VAV2: variants seen among roughly 807,000 people sequenced by gnomAD.
The protein encoded by VAV2 is guanine nucleotide exchange factor VAV2.
Under a neutral mutation model 132.5 loss-of-function variants are expected in VAV2, and 67 were observed. The observed-to-expected ratio is 0.51, with a 90% CI of 0.42 to 0.62. VAV2 has a LOEUF of 0.62. Among genes scored for constraint, VAV2 ranks in the 20% least tolerant of loss-of-function variants. VAV2 has a pLI of 0.00. For synonymous variants in VAV2, 492 were observed against 443.5 expected (o/e 1.11, Z -1.37); for missense variants, 938 against 1,153.6 (o/e 0.81, Z 2.71).
chr9:133,817,608 C>T lies in VAV2; in HGVS notation c.450-5392G>A, dbSNP rs1019368444. ...GGGAGACAAGAGTGAAACTCTGTCTCGAAAAAATAAAAAATAAAATAATAA... is the reference window on the plus strand; with the variant it reads ...GGGAGACAAGAGTGAAACTCTGTCTTGAAAAAATAAAAAATAAAATAATAA... On this transcript the variant is annotated intron_variant, in intron 4 of 29. Transcript: ENST00000371850. Among the ~76,000 whole-genome samples the T allele has an allele frequency of 5.9e-5, 9 of 151,580 alleles. No homozygotes were observed. The South Asian group carries it at 6.3e-4, about 11-fold the overall frequency.
chr9:133,824,827 A>C lies in VAV2; in HGVS notation c.449+9445T>G, dbSNP rs1835921343. ...CCCCTAGTTCTGTACGACTCTGACC[A>C]GGTGCCTTCCTCTCTCAGAGCCCCG... is the stretch of plus-strand genomic sequence containing the variant. On this transcript the variant is annotated intron_variant, in intron 4 of 29. Coordinates refer to ENST00000371850, the MANE Select transcript of VAV2 (RefSeq NM_001134398.2). The surrounding 1 kb of genome is among the most constrained non-coding windows in gnomAD (Gnocchi z 5.2). Among the ~76,000 whole-genome samples, 1 of 152,192 alleles carries C rather than the reference A, an allele frequency of 6.6e-6. No individual in the cohort carries two copies. Among genetic ancestry groups the C allele is most frequent in the Non-Finnish European group, 1.5e-5 (1 of 68,016 alleles).
At chr9:133,914,304 A>G (rs989657610) in intron 2 of VAV2, among the ~76,000 whole-genome samples, 3 of 152,234 alleles carry the variant, frequency 2.0e-5, no homozygotes, top group South Asian at 2.1e-4. Flanking sequence ...GTGTTCAGAA[A>G]TGCACCGGGA....
At chr9:133,784,691 G>A (rs1157977392) in intron 17 of VAV2, among the ~76,000 whole-genome samples, 5 of 152,208 alleles carry the variant, frequency 3.3e-5, no homozygotes, top group African/African-American at 1.2e-4. Context: ...TCCTGACTGG[G>A]CTTGGATGTG....
rs1394355977 is a variant in VAV2 at position 133,868,809 on chromosome 9, C to T, written c.322-7377G>A. ...TGAGCACGTGGTTCCTCCAGCCAAA[C>T]CTCAGTCAAGACACTCAAGCCAGGC... On this transcript the variant is annotated intron_variant, in intron 2 of 29. Transcript: ENST00000371850. Among the ~76,000 whole-genome samples the T allele has an allele frequency of 3.9e-5, 6 of 152,170 alleles. No homozygotes were observed. The East Asian group carries it at 1.2e-3, about 29-fold the overall frequency.
In VAV2 at chr9:133,928,613, A is replaced by G. The variant is rs1450701634; in HGVS notation, c.321+10490T>C. ...TCTTCTGCACTCAGCAAATTAATGAACAAATACGAAGAGGAAATGAACAAA... is the reference window on the plus strand; with the variant it reads ...TCTTCTGCACTCAGCAAATTAATGAGCAAATACGAAGAGGAAATGAACAAA... On this transcript the variant is annotated intron_variant, in intron 2 of 29. Transcript: ENST00000371850. The surrounding 1 kb of genome is among the most constrained non-coding windows in gnomAD (Gnocchi z 5.4). 6.6e-6 allele frequency among the ~76,000 whole-genome samples: 1 copy of G among 152,174 alleles called. No homozygotes were observed. The highest frequency in any genetic ancestry group is 1.9e-4 in the East Asian group (1 of 5,182).
At chr9:133,811,020 G>A (rs1054852674) in intron 5 of VAV2, among the ~76,000 whole-genome samples, 33 of 152,182 alleles carry the variant, frequency 2.2e-4, no homozygotes, top group Non-Finnish European at 3.2e-4. Context: ...GAGGCGAGGG[G>A]AGCCCCCAGC....
chr9:133,976,713 A>T (rs548922873), intron 1 of VAV2, among the ~76,000 whole-genome samples: 1 of 152,288 alleles, frequency 6.6e-6, no homozygotes, highest in East Asian at 1.9e-4. Context: ...GCTATTCTGG[A>T]CGTTTTAAGA....
intron 5 of VAV2, 87 bp downstream of exon 5, chr9:133,812,027 G>A: frequency 7.2e-7 from 1 of 1,387,352 alleles, no homozygotes; most frequent in East Asian, 2.3e-5. Context: ...TCAGACATGG[G>A]GACAGCTCGG....
chr9:133,979,838 G>T (rs752541388), intron 1 of VAV2, among the ~76,000 whole-genome samples: 23 of 152,186 alleles, frequency 1.5e-4, no homozygotes, highest in Non-Finnish European at 5.9e-5. Context: ...GCACCCCACC[G>T]CCCTGTCACC....
At chr9:133,795,883 C>T (rs1242708477) in intron 11 of VAV2, 147 bp from the exon 12 acceptor site, 12 of 779,710 alleles carry the variant, frequency 1.5e-5, no homozygotes, top group Admixed American at 1.0e-4. Flanking sequence ...TTTGGCTGCC[C>T]GACACCAAAG....
chr9:133,888,976 C>T (rs1361848673), intron 2 of VAV2, among the ~76,000 whole-genome samples: 1 of 152,206 alleles, frequency 6.6e-6, no homozygotes, highest in Non-Finnish European at 1.5e-5. Context: ...AAATGAAGCG[C>T]CCCTGCCAGG....
At chr9:133,818,821 G>C (rs926851918) in intron 4 of VAV2, among the ~76,000 whole-genome samples, 1 of 152,108 alleles carries the variant, frequency 6.6e-6, no homozygotes, top group African/African-American at 2.4e-5. Flanking sequence ...CTTGCGTTTG[G>C]TGATTTCTTT....
chr9:133,778,765 C>T lies in VAV2; in HGVS notation c.1887G>A (p.Trp629Ter). Residue 629 changes from tryptophan (W) to a stop codon, truncating the protein, a stop_gained, in exon 22 of 30, where the codon TGG (tryptophan) becomes TGA (stop). Transcript: ENST00000371850. LOFTEE classifies it high-confidence loss of function. ...LLRGDPESPW[W>*]EGRLVQTRKS... ...CCTCCCGGGCCCCAGGACCCACCTCCCACCACGGAGACTCAGGGTCGCCCC... is the reference window on the plus strand; with the variant it reads ...CCTCCCGGGCCCCAGGACCCACCTCTCACCACGGAGACTCAGGGTCGCCCC... 6.2e-7 allele frequency: 1 copy of T among 1,612,594 alleles called. No homozygotes were observed. The highest frequency in any genetic ancestry group is 8.5e-7 in the Non-Finnish European group (1 of 1,179,956).
At chr9:133,970,487 C>T (rs1328659615) in intron 1 of VAV2, among the ~76,000 whole-genome samples, 6 of 152,268 alleles carry the variant, frequency 3.9e-5, no homozygotes, top group Non-Finnish European at 7.4e-5. Context: ...GAGGAGCCCA[C>T]AGAGGCGTGG....
chr9:133,796,601 G>A, intron 10 of VAV2, 77 bp from the exon 11 acceptor site: 1 of 1,345,924 alleles, frequency 7.4e-7, no homozygotes, highest in Non-Finnish European at 1.0e-6. Flanking sequence ...CCCGCCCACA[G>A]AGAGGGGAGA....
chr9:133,889,355 C>G (rs1332679990), intron 2 of VAV2, among the ~76,000 whole-genome samples: 5 of 152,210 alleles, frequency 3.3e-5, no homozygotes, highest in Admixed American at 6.5e-5. Flanking sequence ...TGGGTGCTAG[C>G]TGCTGGCTTT....
chr9:133,796,504 C>G lies in VAV2; in HGVS notation c.957G>C (p.Gln319His). The change falls in exon 11 of 30, where the codon CAG becomes CAC. Residue 319 changes from glutamine (Q) to histidine (H), a missense_variant. Physicochemically the swap from Gln to His is conservative, Grantham distance 24. Transcript: ENST00000371850. Reference protein sequence around the residue: ...QKVEECTLKVQDGKFKLQDLL... With the variant: ...QKVEECTLKVHDGKFKLQDLL... The stretch of plus-strand genomic sequence containing the variant: ...GGTCTTGCAGCTTAAATTTTCCATC[C>G]TGGACCTTCAGTGTGCACTCCTGGG... 1 of 1,613,686 alleles carries G rather than the reference C, an allele frequency of 6.2e-7. No individual in the cohort carries two copies. Among genetic ancestry groups the G allele is most frequent in the Non-Finnish European group, 8.5e-7 (1 of 1,179,890 alleles).
At chr9:133,972,034 G>A (rs373622576) in intron 1 of VAV2, among the ~76,000 whole-genome samples, 29 of 152,242 alleles carry the variant, frequency 1.9e-4, no homozygotes, top group African/African-American at 6.3e-4. Flanking sequence ...GTCACACAGC[G>A]CGGATGCAGA....
chr9:133,802,791 C>G lies in VAV2; in HGVS notation c.836+3290G>C, dbSNP rs1033552203. Among the ~76,000 whole-genome samples the G allele has an allele frequency of 6.6e-6, 1 of 152,204 alleles. No individual in the cohort carries two copies. The highest frequency in any genetic ancestry group is 2.4e-5 in the African/African-American group (1 of 41,448). On this transcript the variant is annotated intron_variant, in intron 9 of 29. Coordinates refer to ENST00000371850, the MANE Select transcript of VAV2 (RefSeq NM_001134398.2). The surrounding 1 kb of genome is among the most constrained non-coding windows in gnomAD (Gnocchi z 5.8). ...CACACAGCCCCAACCTCTCAAGATG[C>G]CCAGGGACAGGCCAGCGTGGATTGA...
Sources: gnomAD v4.1 joint callset for allele counts (sites outside exome capture counted in the v4.1 genomes callset) on GRCh38, gnomAD v4.1.1 for gene constraint, Gnocchi (gnomAD v3.1) non-coding constraint, MANE v1.5 for transcripts, NCBI Gene and HGNC (gene_info 2026-07-23, HGNC 2026-07-21) for gene names.